Variants in STOX2 observed in about 807,000 individuals in gnomAD.
STOX2 encodes storkhead-box protein 2.
Under a neutral mutation model 60.9 loss-of-function variants are expected in STOX2, and 28 were observed. The observed-to-expected ratio is 0.46, with a 90% CI of 0.34 to 0.63. STOX2 has a LOEUF of 0.63. STOX2 is among the 30% of genes least tolerant of loss of function. STOX2 has a pLI of 0.01. For missense variants in STOX2, 1,024 were observed against 1,187.7 expected (o/e 0.86, Z 2.03); for synonymous variants, 472 against 463.9 (o/e 1.02, Z -0.22).
At chr4:183,918,627 T>C (rs4600960) in intron 1 of STOX2, among the ~76,000 whole-genome samples, 2 of 152,114 alleles carry the variant, frequency 1.3e-5, no homozygotes, top group African/African-American at 4.8e-5. Context: ...GCCAGTAGGC[T>C]CTCTCCTGCC....
chr4:183,819,327 C>T (rs537604455), intron 1 of STOX2, among the ~76,000 whole-genome samples: 31 of 151,856 alleles, frequency 2.0e-4, no homozygotes, highest in Non-Finnish European at 7.4e-5. Context: ...CAGATCACTC[C>T]CGGTTAGGAG....
At chr4:183,805,373 A>G (rs1215997201) in intron 1 of STOX2, among the ~76,000 whole-genome samples, 10 of 152,252 alleles carry the variant, frequency 6.6e-5, no homozygotes, top group South Asian at 6.2e-4. Context: ...GATATGGTCT[A>G]TAGTTTATCT....
rs559897504 is a variant in STOX2 at position 183,997,002 on chromosome 4, A to G, written c.167-4323A>G. ...AAATGGATATTCATTCATTCAACAA[A>G]TATTTGTTGGGTAAGCACTGCATCA... On this transcript the variant is annotated intron_variant, in intron 1 of 3. Coordinates refer to ENST00000308497, the MANE Select transcript of STOX2 (RefSeq NM_020225.3). Among the ~76,000 whole-genome samples, 42 of 152,316 alleles carry G rather than the reference A, an allele frequency of 2.8e-4. 1 individual carries two copies. Among genetic ancestry groups the G allele is most frequent in the African/African-American group, 9.6e-4 (40 of 41,570 alleles).
At chr4:183,956,338 ATTG>A (rs1422663331) in intron 1 of STOX2, among the ~76,000 whole-genome samples, 5 of 152,150 alleles carry the variant, frequency 3.3e-5, no homozygotes, top group Admixed American at 2.6e-4. Flanking sequence ...AGATTTACTA[ATTG>A]TTAACATTTT....
chr4:184,007,067 T>TA (rs2111239678), intron 2 of STOX2, among the ~76,000 whole-genome samples: 1 of 150,776 alleles, frequency 6.6e-6, no homozygotes, highest in Admixed American at 6.6e-5. Flanking sequence ...TTATTGGTCT[T>TA]AAAATCATTT....
At chr4:183,886,052 A>T (rs867830547) in intron 1 of STOX2, among the ~76,000 whole-genome samples, 1 of 149,856 alleles carries the variant, frequency 6.7e-6, no homozygotes, top group Non-Finnish European at 1.5e-5. Context: ...GTGTAGGCAG[A>T]TGCAAGATCA....
intron 1 of STOX2, among the ~76,000 whole-genome samples, chr4:183,832,806 C>CTTCTACT (rs548018267): frequency 0.087 from 13,281 of 152,046 alleles, 1,887 homozygotes; most frequent in African/African-American, 0.3. Context: ...TGGCTCTTAC[C>CTTCTACT]CTTACTGTCG....
chr4:183,804,323 C>T (rs1421651162), intron 1 of STOX2, among the ~76,000 whole-genome samples: 2 of 152,196 alleles, frequency 1.3e-5, no homozygotes, highest in Non-Finnish European at 2.9e-5. Context: ...GACAGTACCT[C>T]ATTTGGGGTG....
At position 183,981,556 on chromosome 4, in the gene STOX2, G is replaced by A. The variant is rs141468950; in HGVS notation, c.167-19769G>A. On this transcript the variant is annotated intron_variant, in intron 1 of 3. Coordinates refer to ENST00000308497, the MANE Select transcript of STOX2 (RefSeq NM_020225.3). ...CTTCGTTTTTCTGTGCTGTCTCATC[G>A]TTTTCTTATTGTTTAATGTTAAAAC... is the stretch of plus-strand genomic sequence containing the variant. 1.4e-4 allele frequency among the ~76,000 whole-genome samples: 21 copies of A among 152,200 alleles called. No homozygotes were observed. The East Asian group carries it at 2.1e-3, about 15-fold the overall frequency.
rs555364987 is a variant in STOX2, at chr4:183,840,319, T to TACAA, written c.364+42266_364+42269dup. Among the ~76,000 whole-genome samples the TACAA allele has an allele frequency of 1.5e-3, 233 of 152,358 alleles. 3 individuals are homozygous for TACAA. The highest frequency in any genetic ancestry group is 5.3e-3 in the African/African-American group (219 of 41,584). Reference sequence around the variant, plus strand: ...CCATTTGTACAATTCTGTGTTCTGTTACAAATGTCTTTTCTTTGTCCATGT... The same window carrying TACAA: ...CCATTTGTACAATTCTGTGTTCTGTTACAAACAAATGTCTTTTCTTTGTCCATGT... On this transcript the variant is annotated intron_variant, in intron 1 of 2. Transcript: ENST00000513034.
intron 1 of STOX2, among the ~76,000 whole-genome samples, chr4:183,819,569 AGAGGGG>A (rs1312187547): frequency 2.7e-5 from 1 of 36,418 alleles, no homozygotes; most frequent in Non-Finnish European, 5.5e-5. Flanking sequence ...GGGGAGAGGG[AGAGGGG>A]GAGGGGGAGG....
intron 1 of STOX2, among the ~76,000 whole-genome samples, chr4:183,948,592 C>G (rs1053859921): frequency 8.5e-6 from 1 of 118,294 alleles, no homozygotes; most frequent in African/African-American, 3.2e-5. Flanking sequence ...AGTGCAGTGG[C>G]GCGATCTTGG....
chr4:183,982,020 T>G (rs1313577124), intron 1 of STOX2, among the ~76,000 whole-genome samples: 1 of 152,212 alleles, frequency 6.6e-6, no homozygotes, highest in Admixed American at 6.5e-5. Flanking sequence ...TTACAAGGTG[T>G]TGTGGAGTAA....
chr4:183,860,861 G>A (rs1370555334), intron 1 of STOX2, among the ~76,000 whole-genome samples: 1 of 152,146 alleles, frequency 6.6e-6, no homozygotes, highest in Non-Finnish European at 1.5e-5. Context: ...ATTTCCATCC[G>A]AGTTTCCGTA....
At chr4:183,803,719 T>C (rs757412113) in intron 1 of STOX2, among the ~76,000 whole-genome samples, 11 of 152,112 alleles carry the variant, frequency 7.2e-5, no homozygotes, top group Non-Finnish European at 1.2e-4. Flanking sequence ...TCCCAGCACT[T>C]TGGGAGGCTG....
At chr4:183,969,642 G>A (rs146252944) in intron 1 of STOX2, among the ~76,000 whole-genome samples, 12 of 150,810 alleles carry the variant, frequency 8.0e-5, no homozygotes, top group East Asian at 3.9e-4. Flanking sequence ...TTTTTGAGAC[G>A]GGATCTTACT....
chr4:183,845,450 G>A (rs1383186514), intron 1 of STOX2, among the ~76,000 whole-genome samples: 1 of 152,170 alleles, frequency 6.6e-6, no homozygotes, highest in Admixed American at 6.5e-5. Context: ...AGATGGAAAA[G>A]AAACACATCT....
Position 184,009,735 on chromosome 4 carries a change from C to G in STOX2, c.897C>G (p.Asp299Glu). 3 of 1,613,654 alleles carry G rather than the reference C, an allele frequency of 1.9e-6. No homozygotes were observed. The highest frequency in any genetic ancestry group is 2.5e-6 in the Non-Finnish European group (3 of 1,179,790). The change falls in exon 3 of 4, where the codon GAC becomes GAG. Residue 299 changes from aspartate (D) to glutamate (E), a missense_variant. Around this residue, in one of 3 missense-constraint regions of STOX2, gnomAD observed 922 missense variants for 1,058.3 expected, o/e 0.87. Transcript: ENST00000308497. This position sits in a 1 kb window ranked among gnomAD's most constrained non-coding sequence, Gnocchi z 4.0. ...CTCCTGAAGAGTGGCCCCTGCGAGA[C>G]GAGGACACGCCAGCTACGATCCCTC... The part of the protein sequence containing the change: ...QFPPEEWPLR[D>E]EDTPATIPRE...
At chr4:183,959,395 G>T (rs1475780091) in intron 1 of STOX2, among the ~76,000 whole-genome samples, 2 of 152,154 alleles carry the variant, frequency 1.3e-5, no homozygotes, top group South Asian at 4.1e-4. Flanking sequence ...ACTTTGAGAG[G>T]TTTAATTTAT....
Sources: gnomAD v4.1 joint callset for allele counts (sites outside exome capture counted in the v4.1 genomes callset) on GRCh38, gnomAD v4.1.1 for gene constraint, gnomAD v4.1.1 regional missense constraint, Gnocchi (gnomAD v3.1) non-coding constraint, MANE v1.5 for transcripts, NCBI Gene and HGNC (gene_info 2026-07-23, HGNC 2026-07-21) for gene names.